The following FAR1 variants were observed in gnomAD, a reference collection of about 807,000 sequenced individuals.
FAR1 encodes fatty acyl-CoA reductase 1.
FAR1 carries 22 observed loss-of-function variants against 61.1 expected under a neutral mutation model. That is an observed-to-expected ratio of 0.36 (90% CI 0.26 to 0.51). FAR1 has a LOEUF of 0.51. Ranked by LOEUF, FAR1 falls within the 20% of genes least tolerant of loss-of-function variation. The pLI, the probability that FAR1 is intolerant of heterozygous loss-of-function variation, is 0.95. For missense variants in FAR1, 359 were observed against 626.9 expected (o/e 0.57, Z 4.56); for synonymous variants, 206 against 209.7 (o/e 0.98, Z 0.15).
chr11:13,689,572 C>G (rs1271811901), intron 1 of FAR1, among the ~76,000 whole-genome samples: 58 of 152,026 alleles, frequency 3.8e-4, no homozygotes, highest in Admixed American at 3.6e-3. Flanking sequence ...TATTTTGGGC[C>G]AACAAAAATG....
At chr11:13,710,612 A>G in intron 4 of FAR1, 81 bp from the exon 5 acceptor site, 1 of 1,198,566 alleles carries the variant, frequency 8.3e-7, no homozygotes, top group Non-Finnish European at 1.1e-6. Flanking sequence ...GATATGTTTG[A>G]ATGTGCGAAG....
At chr11:13,674,722 T>G (rs997487119) in intron 1 of FAR1, among the ~76,000 whole-genome samples, 3 of 152,240 alleles carry the variant, frequency 2.0e-5, no homozygotes, top group African/African-American at 7.2e-5. Flanking sequence ...ATGTTTTATT[T>G]GAGCTAATGA....
chr11:13,680,984 T>C (rs1305675366), intron 1 of FAR1, among the ~76,000 whole-genome samples: 2 of 152,226 alleles, frequency 1.3e-5, no homozygotes, highest in Non-Finnish European at 2.9e-5. Flanking sequence ...CGAGGCTTCT[T>C]CATAATCTAA....
At chr11:13,725,443 TAA>T (rs36122577) in intron 10 of FAR1, among the ~76,000 whole-genome samples, 11,308 of 137,206 alleles carry the variant, frequency 0.082, 439 homozygotes, top group South Asian at 0.095. Context: ...TTAAAAATAG[TAA>T]AAAAAAAAAA....
At chr11:13,691,595 T>G (rs1466969472) in intron 1 of FAR1, among the ~76,000 whole-genome samples, 1 of 152,242 alleles carries the variant, frequency 6.6e-6, no homozygotes, top group African/African-American at 2.4e-5. Flanking sequence ...GTATCTGTTA[T>G]GGATATTTCA....
intron 10 of FAR1, chr11:13,723,480 T>C: frequency 2.9e-6 from 1 of 350,744 alleles, no homozygotes; most frequent in Admixed American, 3.9e-5. Context: ...ATGTTATTCC[T>C]GGCTCGTCTT....
chr11:13,728,609 C>T lies in FAR1; in HGVS notation c.1386-3C>T, dbSNP rs1358233744. 1 of 1,607,232 alleles carries T rather than the reference C, an allele frequency of 6.2e-7. No individual in the cohort carries two copies. The highest frequency in any genetic ancestry group is 1.7e-5 in the Admixed American group (1 of 59,756). On this transcript the variant is annotated splice_polypyrimidine_tract_variant and splice_region_variant and intron_variant, in intron 11 of 11. Transcript: ENST00000354817. ...CTAACATATCTCTTGATTTGCTTTC[C>T]AGGTTGCGGAATATACGTTATGGTT... is the stretch of plus-strand genomic sequence containing the variant.
At chr11:13,706,298 T>C (rs1328726067) in intron 3 of FAR1, among the ~76,000 whole-genome samples, 1 of 152,116 alleles carries the variant, frequency 6.6e-6, no homozygotes, top group African/African-American at 2.4e-5. Context: ...ATTTGGAAAA[T>C]GAGGATTAGA....
chr11:13,715,756 T>G (rs1848548560), intron 9 of FAR1: 1 of 152,200 alleles, frequency 6.6e-6, no homozygotes, highest in African/African-American at 2.4e-5. Context: ...CAGTGGAATA[T>G]ACTATTAAAA....
intron 10 of FAR1, among the ~76,000 whole-genome samples, chr11:13,723,822 A>G (rs1848640883): frequency 6.6e-6 from 1 of 152,152 alleles, no homozygotes; most frequent in African/African-American, 2.4e-5. Context: ...ATCCAATTGA[A>G]TTTAGAGTTT....
At chr11:13,703,702 C>G (rs1274957408) in intron 3 of FAR1, among the ~76,000 whole-genome samples, 1 of 152,034 alleles carries the variant, frequency 6.6e-6, no homozygotes, top group African/African-American at 2.4e-5. Flanking sequence ...AATCTTGAGA[C>G]AGGAGAAAAA....
intron 11 of FAR1, 29 bp downstream of exon 11, chr11:13,727,712 T>G (rs747635452): frequency 5.1e-6 from 8 of 1,567,476 alleles, no homozygotes; most frequent in African/African-American, 1.4e-5. Flanking sequence ...TTTGATTGCT[T>G]CTTGTCTTCC....
chr11:13,722,238 A>G (rs1348509300), intron 10 of FAR1, among the ~76,000 whole-genome samples: 2 of 151,914 alleles, frequency 1.3e-5, no homozygotes, highest in East Asian at 3.9e-4. Flanking sequence ...ACTTTTTGTT[A>G]TTCCACATTT....
chr11:13,700,198 A>C, intron 2 of FAR1, 119 bp from the exon 3 acceptor site: 1 of 700,022 alleles, frequency 1.4e-6, no homozygotes. Flanking sequence ...CAACTTTAGG[A>C]ATTGTATAGT....
intron 9 of FAR1, among the ~76,000 whole-genome samples, chr11:13,715,006 A>G (rs897566284): frequency 6.6e-6 from 1 of 152,196 alleles, no homozygotes; most frequent in Non-Finnish European, 1.5e-5. Flanking sequence ...TTCAAGATGA[A>G]TCCTTTAAAC....
rs1467048514 is a variant in FAR1, at chr11:13,694,795, C to T, written c.30C>T (p.Gly10=). The T allele has an allele frequency of 6.2e-7, 1 of 1,613,652 alleles. No homozygotes were observed. Among genetic ancestry groups the T allele is most frequent in the Admixed American group, 1.7e-5 (1 of 59,974 alleles). Residue 10 remains glycine (G), a synonymous_variant, in exon 2 of 12, where the codon GGC becomes GGT. Coordinates refer to ENST00000354817, the MANE Select transcript of FAR1 (RefSeq NM_032228.6). MVSIPEYYE[G]KNVLLTGATG... is the part of the protein sequence containing the mutation. The stretch of plus-strand genomic sequence containing the variant: ...TTTCAATCCCAGAATACTATGAAGG[C>T]AAGAACGTCCTCCTCACAGGAGCTA...
chr11:13,701,802 C>G (rs1848378730), intron 3 of FAR1, among the ~76,000 whole-genome samples: 1 of 152,002 alleles, frequency 6.6e-6, no homozygotes, highest in African/African-American at 2.4e-5. Context: ...ACCTTACCTA[C>G]TGTAATATTA....
chr11:13,716,280 TAAGTG>T (rs1487320855), intron 9 of FAR1, among the ~76,000 whole-genome samples: 1 of 151,728 alleles, frequency 6.6e-6, no homozygotes, highest in Non-Finnish European at 1.5e-5. Flanking sequence ...TTTAAAAAAA[TAAGTG>T]AATAGCTGGT....
Position 13,710,869 on chromosome 11 carries a change from CA to C in FAR1, c.723del (p.Gly242AspfsTer37). 6.2e-7 allele frequency: 1 copy of C among 1,609,008 alleles called. No homozygotes were observed. Among genetic ancestry groups the C allele is most frequent in the Non-Finnish European group, 8.5e-7 (1 of 1,178,562 alleles). ...GGTGCCAGTTGGAAAGAACCTTTTC[CA>C]GTAAGTTGTTAGAAACCTTTATAAA... The part of the protein sequence containing the change: ...IVGASWKEPF[P>X]GWIDNFNGPS... On this transcript the variant is annotated frameshift_variant and splice_region_variant, in exon 5 of 12. Coordinates refer to ENST00000354817, the MANE Select transcript of FAR1 (RefSeq NM_032228.6). LOFTEE classifies it high-confidence loss of function.
Sources: gnomAD v4.1 joint callset for allele counts (sites outside exome capture counted in the v4.1 genomes callset) on GRCh38, gnomAD v4.1.1 for gene constraint, MANE v1.5 for transcripts, NCBI Gene and HGNC (gene_info 2026-07-23, HGNC 2026-07-21) for gene names.